Variants in IL1R1 observed in about 807,000 individuals in gnomAD.
The protein encoded by IL1R1 is interleukin-1 receptor type 1.
In IL1R1, 22 loss-of-function variants were observed where a neutral mutation model predicts 50.2. The ratio of observed to expected loss-of-function variants is 0.44; its 90% CI spans 0.31 to 0.63. The LOEUF (loss-of-function observed/expected upper bound fraction) is 0.63, where lower values mean the gene tolerates loss of function less well. Ranked by LOEUF, IL1R1 falls within the 20% of genes least tolerant of loss-of-function variation. The pLI, the probability that IL1R1 is intolerant of heterozygous loss-of-function variation, is 0.07. For synonymous variants in IL1R1, 251 were observed against 236.7 expected (o/e 1.06, Z -0.55); for missense variants, 509 against 676.2 (o/e 0.75, Z 2.74).
At chr2:102,087,451 C>T (rs1365666406) in intron 1 of IL1R1, among the ~76,000 whole-genome samples, 1 of 152,218 alleles carries the variant, frequency 6.6e-6, no homozygotes, top group East Asian at 1.9e-4. Context: ...CCTGACACTG[C>T]TTTCTCAATT....
In IL1R1 at chr2:102,176,825, C is replaced by A; in HGVS notation, c.*66C>A. On this transcript the variant is annotated 3_prime_UTR_variant, in exon 12 of 12. Coordinates refer to ENST00000410023, the MANE Select transcript of IL1R1 (RefSeq NM_000877.4). ...TTATGGCGTTGCAGGCCAGGTTATG[C>A]CTCATGCTGACTTGCAGAGTTCATG... The A allele has an allele frequency of 6.9e-7, 1 of 1,443,448 alleles. No homozygotes were observed. The highest frequency in any genetic ancestry group is 9.6e-7 in the Non-Finnish European group (1 of 1,043,564). 89.4% of individuals were successfully genotyped at this position (1,443,448 alleles called of 1,614,324 possible).
chr2:102,116,718 G>A (rs6704593), intron 1 of IL1R1, among the ~76,000 whole-genome samples: 55,071 of 152,064 alleles, frequency 0.36, 11,638 homozygotes, highest in East Asian at 0.46. Context: ...AACAGCAACA[G>A]CAGCAGGAAG....
In IL1R1 at chr2:102,176,778, A is replaced by T. The variant is rs757777482; in HGVS notation, c.*19A>T. 2 of 1,609,646 alleles carry T rather than the reference A, an allele frequency of 1.2e-6. No homozygotes were observed. The highest frequency in any genetic ancestry group is 1.7e-6 in the Non-Finnish European group (2 of 1,176,996). On this transcript the variant is annotated 3_prime_UTR_variant, in exon 12 of 12. Coordinates refer to ENST00000410023, the MANE Select transcript of IL1R1 (RefSeq NM_000877.4). ...CGGGTAGCATGGAGAAGTTGCCAAG[A>T]GTTCTTTAGGTGCCTCCTGTCTTAT... is the stretch of plus-strand genomic sequence containing the variant.
upstream of IL1R1, among the ~76,000 whole-genome samples, chr2:102,102,767 G>A (rs1010677530): frequency 2.6e-5 from 4 of 152,114 alleles, no homozygotes; most frequent in African/African-American, 7.2e-5. Flanking sequence ...ATCAGTGGTA[G>A]ACTGGATAAA....
chr2:102,073,201 T>C (rs1678811890), intron 1 of IL1R1, among the ~76,000 whole-genome samples: 1 of 152,196 alleles, frequency 6.6e-6, no homozygotes, highest in Admixed American at 6.5e-5. Flanking sequence ...ATTCCACAGC[T>C]ATTTCATGAG....
intron 1 of IL1R1, among the ~76,000 whole-genome samples, chr2:102,121,058 T>A (rs1448089521): frequency 6.6e-6 from 1 of 152,160 alleles, no homozygotes; most frequent in African/African-American, 2.4e-5. Context: ...CCTGCAGGGT[T>A]TCCCTCTTAG....
Position 102,164,863 on chromosome 2 carries a change from C to T in IL1R1, c.151C>T (p.His51Tyr). The T allele has an allele frequency of 6.2e-7, 1 of 1,614,004 alleles. No individual in the cohort carries two copies. Among genetic ancestry groups the T allele is most frequent in the Non-Finnish European group, 8.5e-7 (1 of 1,179,924 alleles). Residue 51 changes from histidine to tyrosine, a missense_variant, in exon 4 of 12, where the codon CAC (histidine) becomes TAC (tyrosine). Coordinates refer to ENST00000410023, the MANE Select transcript of IL1R1 (RefSeq NM_000877.4). Reference sequence around the variant, plus strand: ...TCCCTGTCCTCTTAACCCAAATGAACACAAAGGCACTATAACTTGGTATAA... The same window carrying T: ...TCCCTGTCCTCTTAACCCAAATGAATACAAAGGCACTATAACTTGGTATAA... The part of the protein sequence containing the change: ...VRPCPLNPNE[H>Y]KGTITWYKDD...
chr2:102,130,473 G>A (rs536875446), intron 1 of IL1R1, among the ~76,000 whole-genome samples: 3 of 152,108 alleles, frequency 2.0e-5, no homozygotes, highest in African/African-American at 7.2e-5. Context: ...TTCCTTGACA[G>A]CTGTTCTTTC....
chr2:102,123,732 C>A (rs1681530606), intron 1 of IL1R1, among the ~76,000 whole-genome samples: 1 of 151,948 alleles, frequency 6.6e-6, no homozygotes, highest in Admixed American at 6.6e-5. Flanking sequence ...TAGCCGAGAT[C>A]ACGCCATTGC....
intron 1 of IL1R1, among the ~76,000 whole-genome samples, chr2:102,072,535 T>C (rs1678777878): frequency 6.6e-6 from 1 of 152,208 alleles, no homozygotes; most frequent in Admixed American, 6.5e-5. Flanking sequence ...TTCACATTTC[T>C]TTGGTTATTA....
chr2:102,133,881 A>T (rs1196540658), intron 1 of IL1R1, among the ~76,000 whole-genome samples: 2 of 148,448 alleles, frequency 1.3e-5, no homozygotes, highest in African/African-American at 2.5e-5. Context: ...TTAACAGTGT[A>T]TTAAGGGATC....
intron 1 of IL1R1, among the ~76,000 whole-genome samples, chr2:102,105,428 G>A (rs991546326): frequency 6.6e-6 from 1 of 152,124 alleles, no homozygotes; most frequent in African/African-American, 2.4e-5. Flanking sequence ...ACAATGGCAT[G>A]ATCTTGGCTC....
chr2:102,114,508 A>C (rs1277163294), intron 1 of IL1R1, among the ~76,000 whole-genome samples: 2 of 148,958 alleles, frequency 1.3e-5, no homozygotes, highest in Non-Finnish European at 3.0e-5. Context: ...AACCTCTTTG[A>C]ATAAGTTTCC....
chr2:102,165,258 T>G lies in IL1R1; in HGVS notation c.440T>G (p.Phe147Cys), dbSNP rs765876662. Residue 147 changes from phenylalanine to cysteine, a missense_variant, in exon 5 of 12, where the codon TTT (phenylalanine) becomes TGT (cysteine). Physicochemically the swap from Phe to Cys is radical, Grantham distance 205. Coordinates refer to ENST00000410023, the MANE Select transcript of IL1R1 (RefSeq NM_000877.4). Reference protein sequence around the residue: ...DGGLVCPYMEFFKNENNELPK... With the variant: ...DGGLVCPYMECFKNENNELPK... ...GGACTTGTGTGCCCTTATATGGAGT[T>G]TTTTAAAAATGAAAATAATGAGTTA... 1 of 1,584,840 alleles carries G rather than the reference T, an allele frequency of 6.3e-7. No homozygotes were observed. The highest frequency in any genetic ancestry group is 2.2e-5 in the East Asian group (1 of 44,652).
chr2:102,144,431 G>A (rs1481922034), intron 1 of IL1R1, among the ~76,000 whole-genome samples: 1 of 152,100 alleles, frequency 6.6e-6, no homozygotes, highest in Non-Finnish European at 1.5e-5. Context: ...ATTTCTAATA[G>A]GCCCTGCTTG....
chr2:102,079,392 T>A (rs947237398), intron 1 of IL1R1, among the ~76,000 whole-genome samples: 15 of 152,204 alleles, frequency 9.9e-5, no homozygotes, highest in Middle Eastern at 3.4e-3. Context: ...CTAAACAAGC[T>A]CAGTAAGTTT....
At chr2:102,108,987 TAAA>T (rs869199478) in intron 1 of IL1R1, among the ~76,000 whole-genome samples, 1 of 133,664 alleles carries the variant, frequency 7.5e-6, no homozygotes, top group East Asian at 2.2e-4. Context: ...ATAATAATAA[TAAA>T]AGCTAATATG....
intron 3 of IL1R1, among the ~76,000 whole-genome samples, chr2:102,162,876 CA>C (rs1379396873): frequency 1.3e-5 from 2 of 151,984 alleles, no homozygotes; most frequent in Non-Finnish European, 2.9e-5. Context: ...TGCGTAGATT[CA>C]TTTTCATCTT....
chr2:102,086,539 C>CT (rs77606582), intron 1 of IL1R1, among the ~76,000 whole-genome samples: 7 of 150,894 alleles, frequency 4.6e-5, no homozygotes, highest in Admixed American at 1.3e-4. Context: ...TTCTCCCCCT[C>CT]TTTTTTTTTG....
Sources: gnomAD v4.1 joint callset for allele counts (sites outside exome capture counted in the v4.1 genomes callset) on GRCh38, gnomAD v4.1.1 for gene constraint, MANE v1.5 for transcripts, NCBI Gene and HGNC (gene_info 2026-07-23, HGNC 2026-07-21) for gene names.